Variants in PKP2 observed in about 807,000 individuals in gnomAD.
PKP2 encodes plakophilin-2.
A neutral mutation model predicts 83.4 loss-of-function variants in PKP2; 73 were observed. The ratio of observed to expected loss-of-function variants is 0.88; its 90% CI spans 0.72 to 1.06. The LOEUF is 1.06. Among genes scored for constraint, PKP2 ranks in the 50% least tolerant of loss-of-function variants. PKP2 has a pLI of 0.00. For synonymous variants in PKP2, 409 were observed against 430.4 expected (o/e 0.95, Z 0.62); for missense variants, 966 against 1,065.4 (o/e 0.91, Z 1.30).
At chr12:32,853,508 CTTT>C (rs71447625) in intron 4 of PKP2, among the ~76,000 whole-genome samples, 1 of 138,136 alleles carries the variant, frequency 7.2e-6, no homozygotes, top group Non-Finnish European at 1.5e-5. Context: ...TAAATTCATA[CTTT>C]TTTTTTTTTT....
At chr12:32,866,001 G>A (rs1956845594) in intron 4 of PKP2, among the ~76,000 whole-genome samples, 1 of 151,922 alleles carries the variant, frequency 6.6e-6, no homozygotes, top group Admixed American at 6.6e-5. Context: ...GGATACACAT[G>A]AAAAGCAGAA....
chr12:32,826,305 C>CAAAAAAAAA (rs71068338), intron 6 of PKP2, among the ~76,000 whole-genome samples: 3 of 84,672 alleles, frequency 3.5e-5, no homozygotes, highest in Admixed American at 1.3e-4. Flanking sequence ...GACACCGTCT[C>CAAAAAAAAA]AAAAAAAAAA....
chr12:32,858,151 T>TATAA (rs1956771820), intron 4 of PKP2, among the ~76,000 whole-genome samples: 1 of 104,270 alleles, frequency 9.6e-6, no homozygotes, highest in African/African-American at 3.3e-5. Flanking sequence ...TATATATATA[T>TATAA]AAATATATAT....
chr12:32,802,610 A>G, intron 9 of PKP2, 54 bp from the exon 10 acceptor site: 3 of 1,506,908 alleles, frequency 2.0e-6, no homozygotes, highest in Non-Finnish European at 1.8e-6. Context: ...TCACGATAAC[A>G]TTAAGTTTTC....
intron 10 of PKP2, among the ~76,000 whole-genome samples, chr12:32,798,412 A>G (rs1956151002): frequency 1.3e-5 from 2 of 152,012 alleles, no homozygotes; most frequent in Admixed American, 1.3e-4. Flanking sequence ...AAAGAGAAAT[A>G]AACTATTTTA....
intron 6 of PKP2, among the ~76,000 whole-genome samples, chr12:32,826,597 A>G (rs148980731): frequency 2.2e-4 from 34 of 152,220 alleles, no homozygotes; most frequent in African/African-American, 6.7e-4. Flanking sequence ...TTCCTTATTA[A>G]TTTTTACTGT....
chr12:32,808,717 TTTG>T (rs1336535165), intron 9 of PKP2, among the ~76,000 whole-genome samples: 1 of 152,156 alleles, frequency 6.6e-6, no homozygotes, highest in Non-Finnish European at 1.5e-5. Flanking sequence ...TGGGGTCTTT[TTTG>T]TTGATGTTGT....
chr12:32,883,428 T>A (rs1314723939), intron 1 of PKP2, among the ~76,000 whole-genome samples: 1 of 152,220 alleles, frequency 6.6e-6, no homozygotes. Flanking sequence ...AGGATGGAAA[T>A]GAATTTCTTT....
rs562727324 is a variant in PKP2 at position 32,822,093 on chromosome 12, G to A, written c.1839+374C>T. Among the ~76,000 whole-genome samples, 4 of 152,318 alleles carry A rather than the reference G, an allele frequency of 2.6e-5. No homozygotes were observed. The South Asian group carries it at 8.3e-4, about 32-fold the overall frequency. On this transcript the variant is annotated intron_variant, in intron 8 of 12. Transcript: ENST00000340811. ...TTAGAATACCCAAGGCCAAATATCA[G>A]GGCCGACTTTAATAAAAACAATTTA...
At chr12:32,811,148 C>T (rs1956274066) in intron 9 of PKP2, among the ~76,000 whole-genome samples, 1 of 152,232 alleles carries the variant, frequency 6.6e-6, no homozygotes, top group Non-Finnish European at 1.5e-5. Context: ...GTCCCTGGTG[C>T]TCCAGGTCTT....
At chr12:32,810,393 A>T (rs1956266354) in intron 9 of PKP2, among the ~76,000 whole-genome samples, 1 of 152,092 alleles carries the variant, frequency 6.6e-6, no homozygotes, top group Non-Finnish European at 1.5e-5. Flanking sequence ...TAATCCTTCA[A>T]AGTCACCATC....
At chr12:32,878,618 G>T in intron 2 of PKP2, 75 bp from the exon 3 acceptor site, 1 of 1,163,452 alleles carries the variant, frequency 8.6e-7, no homozygotes, top group Non-Finnish European at 1.2e-6. Context: ...ATTACTCTGG[G>T]ACTATTACCC....
intron 5 of PKP2, among the ~76,000 whole-genome samples, chr12:32,841,411 T>C (rs143656414): frequency 2.4e-3 from 371 of 152,242 alleles, no homozygotes; most frequent in Non-Finnish European, 3.9e-3. Context: ...GAGCAATAAA[T>C]ACATGGCTTA....
Position 32,803,271 on chromosome 12 carries a change from G to T in PKP2, c.2014-715C>A, listed in dbSNP as rs1244022756. 2.6e-5 allele frequency among the ~76,000 whole-genome samples: 4 copies of T among 152,132 alleles called. No homozygotes were observed. In the East Asian group the frequency reaches 7.8e-4, roughly 30 times the overall value. On this transcript the variant is annotated intron_variant, in intron 9 of 12. Transcript: ENST00000340811. ...GCCTGTAGTCCCAGCTACTCAAGAGGCTGGGGCAGGAGAATCGCTTGAACC... is the reference window on the plus strand; with the variant it reads ...GCCTGTAGTCCCAGCTACTCAAGAGTCTGGGGCAGGAGAATCGCTTGAACC...
rs1310684124 is a variant in PKP2, at chr12:32,796,092, A to T, written c.2357+17T>A. 1 of 1,600,558 alleles carries T rather than the reference A, an allele frequency of 6.2e-7. No homozygotes were observed. The highest frequency in any genetic ancestry group is 8.5e-7 in the Non-Finnish European group (1 of 1,174,612). On this transcript the variant is annotated intron_variant, in intron 11 of 12. Transcript: ENST00000340811. ...GGGGAAAGGGAGGCAGCTGACGGGC[A>T]GAACTGAAGGACTTACGCATCGCCT...
In PKP2 at chr12:32,827,518, AT is replaced by A. The variant is rs914632567; in HGVS notation, c.1557-3357del. ...GAAAATGATACATCCATCTTAAAATATTTTTTTTTAACAGCTAGTACTTAAG... is the reference window on the plus strand; with the variant it reads ...GAAAATGATACATCCATCTTAAAATATTTTTTTTAACAGCTAGTACTTAAG... On this transcript the variant is annotated intron_variant, in intron 6 of 12. Coordinates refer to ENST00000340811, the MANE Select transcript of PKP2 (RefSeq NM_001005242.3). 9.9e-5 allele frequency among the ~76,000 whole-genome samples: 15 copies of A among 151,766 alleles called. 1 individual carries two copies. The highest frequency in any genetic ancestry group is 2.6e-4 in the Admixed American group (4 of 15,234).
intron 7 of PKP2, among the ~76,000 whole-genome samples, chr12:32,823,804 T>C (rs550209900): frequency 1.4e-4 from 22 of 152,176 alleles, no homozygotes; most frequent in African/African-American, 5.3e-4. Flanking sequence ...GGTTTCACCA[T>C]GTTATCCAGG....
At chr12:32,823,561 A>G (rs1236758162) in intron 7 of PKP2, among the ~76,000 whole-genome samples, 2 of 152,042 alleles carry the variant, frequency 1.3e-5, no homozygotes, top group Non-Finnish European at 2.9e-5. Context: ...AGACAGACAG[A>G]CATTGGAGCC....
At chr12:32,816,362 T>C (rs1956319370) in intron 9 of PKP2, among the ~76,000 whole-genome samples, 1 of 152,204 alleles carries the variant, frequency 6.6e-6, no homozygotes, top group African/African-American at 2.4e-5. Flanking sequence ...CCTGCATTAA[T>C]TCACTTAGGA....
Sources: gnomAD v4.1 joint callset for allele counts (sites outside exome capture counted in the v4.1 genomes callset) on GRCh38, gnomAD v4.1.1 for gene constraint, MANE v1.5 for transcripts, NCBI Gene and HGNC (gene_info 2026-07-23, HGNC 2026-07-21) for gene names.